The following CUX2 variants were observed in gnomAD, a reference collection of about 807,000 sequenced individuals.
CUX2 encodes the protein homeobox protein cut-like 2.
CUX2 carries 40 observed loss-of-function variants against 144.8 expected under a neutral mutation model. The observed-to-expected ratio is 0.28, with a 90% CI of 0.21 to 0.36. The LOEUF is 0.36. Ranked by LOEUF, CUX2 falls within the 10% of genes least tolerant of loss-of-function variation. The pLI is 1.00. For synonymous variants in CUX2, 827 were observed against 875.6 expected (o/e 0.94, Z 0.98); for missense variants, 1,615 against 1,994.0 (o/e 0.81, Z 3.62).
At chr12:111,206,155 G>C (rs1163155536) in intron 1 of CUX2, among the ~76,000 whole-genome samples, 1 of 152,142 alleles carries the variant, frequency 6.6e-6, no homozygotes, top group African/African-American at 2.4e-5. Flanking sequence ...GAGCAACATA[G>C]CAAGGCCCTG....
In CUX2 at chr12:111,069,886, A is replaced by G. The variant is rs998571799; in HGVS notation, c.63+35646A>G. Among the ~76,000 whole-genome samples, 89 of 152,114 alleles carry G rather than the reference A, an allele frequency of 5.9e-4. 2 individuals carry two copies. Among genetic ancestry groups the G allele is most frequent in the Non-Finnish European group, 1.3e-4 (9 of 68,026 alleles). Reference sequence around the variant, plus strand: ...GGGAGGCGGGAGTTCAGCTCCTAATAAAAAAGTCACCATGCCTAGGTGTGC... The same window carrying G: ...GGGAGGCGGGAGTTCAGCTCCTAATGAAAAAGTCACCATGCCTAGGTGTGC... On this transcript the variant is annotated intron_variant, in intron 1 of 21. Transcript: ENST00000261726.
At chr12:111,125,154 C>G (rs1405696151) in intron 1 of CUX2, among the ~76,000 whole-genome samples, 1 of 151,850 alleles carries the variant, frequency 6.6e-6, no homozygotes, top group African/African-American at 2.4e-5. Context: ...TTTACATTCC[C>G]TCTCTATGGA....
intron 1 of CUX2, among the ~76,000 whole-genome samples, chr12:111,141,227 AACACACACACAC>A (rs111451932): frequency 2.7e-5 from 4 of 147,354 alleles, no homozygotes; most frequent in Non-Finnish European, 4.5e-5. Flanking sequence ...GGCTTAGGTC[AACACACACACAC>A]ACACACACAC....
At chr12:111,291,273 G>C (rs75092580) in intron 4 of CUX2, 145 bp from the exon 5 acceptor site, 15,780 of 988,320 alleles carry the variant, frequency 0.016, 167 homozygotes, top group Non-Finnish European at 0.019. Flanking sequence ...CTGCTCCCTC[G>C]TAGAGCAGAA....
rs376824656 is a variant in CUX2 at position 111,293,091 on chromosome 12, C to T, written c.437-355C>T. The stretch of plus-strand genomic sequence containing the variant: ...TAAGCTGAGATTGTGCCACTGCACT[C>T]GCAGTCCAGCCTGGGCAACAGACCA... On this transcript the variant is annotated intron_variant, in intron 5 of 21. Transcript: ENST00000261726. This position sits in a 1 kb window ranked among gnomAD's most constrained non-coding sequence, Gnocchi z 4.5. Among the ~76,000 whole-genome samples, 26 of 151,148 alleles carry T rather than the reference C, an allele frequency of 1.7e-4. No homozygotes were observed. The East Asian group carries it at 4.1e-3, about 24-fold the overall frequency.
At chr12:111,269,573 C>T (rs760514452) in intron 4 of CUX2, among the ~76,000 whole-genome samples, 14 of 152,118 alleles carry the variant, frequency 9.2e-5, no homozygotes, top group Non-Finnish European at 1.8e-4. Context: ...AGGGGGACAC[C>T]AGCATGTCTA....
chr12:111,179,036 G>A (rs797008137), intron 1 of CUX2, among the ~76,000 whole-genome samples: 11 of 152,174 alleles, frequency 7.2e-5, no homozygotes, highest in African/African-American at 2.4e-4. Context: ...GGTTTGGAAG[G>A]ATTAGTTTAC....
intron 1 of CUX2, among the ~76,000 whole-genome samples, chr12:111,179,649 A>G (rs930475521): frequency 6.7e-6 from 1 of 149,380 alleles, no homozygotes; most frequent in Admixed American, 6.6e-5. Flanking sequence ...AGTTTCGTGT[A>G]TGACATGATT....
intron 1 of CUX2, among the ~76,000 whole-genome samples, chr12:111,192,064 C>T (rs972483197): frequency 2.0e-5 from 3 of 152,130 alleles, no homozygotes. Flanking sequence ...TAGAGGCCCA[C>T]GCATGCAAAG....
At position 111,154,165 on chromosome 12, in the gene CUX2, A is replaced by T. The variant is rs148467270; in HGVS notation, c.64-60035A>T. Among the ~76,000 whole-genome samples, 302 of 151,974 alleles carry T rather than the reference A, an allele frequency of 2.0e-3. 5 individuals carry two copies. Among genetic ancestry groups the T allele is most frequent in the African/African-American group, 7.1e-3 (296 of 41,456 alleles). Reference sequence around the variant, plus strand: ...CAGTTCAGCTCTTAGCACCCCACAGAGAAAGCCAGCCTGTGTGATTGCAGC... The same window carrying T: ...CAGTTCAGCTCTTAGCACCCCACAGTGAAAGCCAGCCTGTGTGATTGCAGC... On this transcript the variant is annotated intron_variant, in intron 1 of 21. Transcript: ENST00000261726.
chr12:111,048,747 A>G (rs79079562), intron 1 of CUX2, among the ~76,000 whole-genome samples: 1,539 of 152,268 alleles, frequency 0.01, 25 homozygotes, highest in African/African-American at 0.036. Flanking sequence ...ACATGCAGGT[A>G]TTCTGTCCCA....
intron 7 of CUX2, 32 bp from the exon 8 acceptor site, chr12:111,296,441 T>G: frequency 6.3e-7 from 1 of 1,581,852 alleles, no homozygotes; most frequent in South Asian, 1.1e-5. Context: ...CACTCGGAGG[T>G]GGGGCCTCAC....
At chr12:111,183,795 G>A (rs1429041188) in intron 1 of CUX2, among the ~76,000 whole-genome samples, 2 of 152,100 alleles carry the variant, frequency 1.3e-5, no homozygotes, top group Non-Finnish European at 2.9e-5. Context: ...TTGGCCTAGG[G>A]CATTTGGGGA....
At chr12:111,327,210 CGT>C (rs1257941190) in intron 18 of CUX2, among the ~76,000 whole-genome samples, 1 of 152,160 alleles carries the variant, frequency 6.6e-6, no homozygotes, top group Non-Finnish European at 1.5e-5. Context: ...TTTCAGTTAA[CGT>C]GTTTTCAAGG....
chr12:111,060,717 C>G (rs779449493), intron 1 of CUX2, among the ~76,000 whole-genome samples: 2 of 152,292 alleles, frequency 1.3e-5, no homozygotes, highest in Admixed American at 1.3e-4. Context: ...TCCCTCAGGC[C>G]CAGCCCGGCC....
At chr12:111,266,485 A>C (rs1442123946) in intron 4 of CUX2, among the ~76,000 whole-genome samples, 1 of 151,998 alleles carries the variant, frequency 6.6e-6, no homozygotes, top group Non-Finnish European at 1.5e-5. Context: ...AAAAAAAAAA[A>C]AAAAGAGACG....
chr12:111,123,577 C>T (rs545068125), intron 1 of CUX2, among the ~76,000 whole-genome samples: 1 of 152,210 alleles, frequency 6.6e-6, no homozygotes, highest in East Asian at 1.9e-4. Flanking sequence ...ACTGTATTGC[C>T]CAGGCTGGAA....
intron 3 of CUX2, among the ~76,000 whole-genome samples, chr12:111,242,235 CA>C (rs1042558153): frequency 8.5e-5 from 13 of 152,350 alleles, no homozygotes; most frequent in Admixed American, 4.6e-4. Context: ...CCCCATCTTA[CA>C]GGGGAGGAAA....
At chr12:111,335,380 G>A (rs545497557) in intron 19 of CUX2, among the ~76,000 whole-genome samples, 20 of 151,106 alleles carry the variant, frequency 1.3e-4, no homozygotes, top group South Asian at 6.3e-4. Flanking sequence ...GCGACAGAGC[G>A]AGACCTCATC....
Sources: gnomAD v4.1 joint callset for allele counts (sites outside exome capture counted in the v4.1 genomes callset) on GRCh38, gnomAD v4.1.1 for gene constraint, Gnocchi (gnomAD v3.1) non-coding constraint, MANE v1.5 for transcripts, NCBI Gene and HGNC (gene_info 2026-07-23, HGNC 2026-07-21) for gene names.